CAMK1D: variants seen among roughly 807,000 people sequenced by gnomAD.
CAMK1D encodes calcium/calmodulin dependent protein kinase ID.
A neutral mutation model predicts 47.7 loss-of-function variants in CAMK1D; 9 were observed. That is an observed-to-expected ratio of 0.19 (90% CI 0.11 to 0.33). The LOEUF is 0.33. CAMK1D is among the 10% of genes least tolerant of loss of function. The probability of loss-of-function intolerance (pLI) is 1.00; values close to 1 mark genes in which losing one functional copy is unlikely to be tolerated. For synonymous variants in CAMK1D, 184 were observed against 184.9 expected (o/e 0.99, Z 0.04); for missense variants, 291 against 488.7 (o/e 0.60, Z 3.81).
chr10:12,786,471 A>T (rs1472190517), intron 5 of CAMK1D, among the ~76,000 whole-genome samples: 1 of 152,220 alleles, frequency 6.6e-6, no homozygotes, highest in Non-Finnish European at 1.5e-5. Flanking sequence ...CCTGATATTT[A>T]CTTGTTTATA....
At chr10:12,493,377 A>G (rs1111371) in intron 1 of CAMK1D, among the ~76,000 whole-genome samples, 6,730 of 152,320 alleles carry the variant, frequency 0.044, 468 homozygotes, top group East Asian at 0.34. Flanking sequence ...GGAAACTTCC[A>G]TGATCGCTGA....
At chr10:12,445,114 A>ATCTGTTT (rs1832890347) in intron 1 of CAMK1D, among the ~76,000 whole-genome samples, 1 of 152,214 alleles carries the variant, frequency 6.6e-6, no homozygotes, top group Non-Finnish European at 1.5e-5. Context: ...GCTACAAAGC[A>ATCTGTTT]TCTGTTTTCT....
intron 5 of CAMK1D, among the ~76,000 whole-genome samples, chr10:12,770,132 A>G (rs1179102562): frequency 2.6e-5 from 4 of 152,192 alleles, no homozygotes; most frequent in Non-Finnish European, 5.9e-5. Flanking sequence ...TTTCTGAGGG[A>G]TTTACAATGA....
At chr10:12,703,064 A>T (rs1157284880) in intron 3 of CAMK1D, among the ~76,000 whole-genome samples, 15 of 152,174 alleles carry the variant, frequency 9.9e-5, no homozygotes, top group Admixed American at 9.8e-4. Context: ...AAAGAAGTTC[A>T]TCTGATTGTT....
intron 1 of CAMK1D, among the ~76,000 whole-genome samples, chr10:12,538,771 C>T (rs910977228): frequency 6.6e-6 from 1 of 151,736 alleles, no homozygotes; most frequent in Non-Finnish European, 1.5e-5. Context: ...AGGCTTTCCC[C>T]ACTTGGTGGG....
intron 3 of CAMK1D, among the ~76,000 whole-genome samples, chr10:12,700,281 C>A (rs1390915392): frequency 6.6e-6 from 1 of 152,092 alleles, no homozygotes; most frequent in African/African-American, 2.4e-5. Context: ...CTGGGGAGGC[C>A]TCAGGAAACT....
rs139333651 is a variant in CAMK1D, at chr10:12,543,026, C to T, written c.93-10199C>T. Among the ~76,000 whole-genome samples, 11 of 151,720 alleles carry T rather than the reference C, an allele frequency of 7.3e-5. No individual in the cohort carries two copies. In the East Asian group the frequency reaches 1.8e-3, roughly 24 times the overall value. On this transcript the variant is annotated intron_variant, in intron 1 of 10. Transcript: ENST00000619168. The stretch of plus-strand genomic sequence containing the variant: ...CCACCCAAAGTGTTGGGATTACAGG[C>T]GTGAGCCACCATTCCTGGCTATTAT...
intron 1 of CAMK1D, among the ~76,000 whole-genome samples, chr10:12,397,671 G>A (rs1268254040): frequency 6.6e-6 from 1 of 152,220 alleles, no homozygotes; most frequent in Non-Finnish European, 1.5e-5. Context: ...TCTCTTGAAT[G>A]AGTGAACCTC....
intron 8 of CAMK1D, 59 bp from the exon 9 acceptor site, chr10:12,824,406 G>T: frequency 6.9e-7 from 1 of 1,447,716 alleles, no homozygotes. Flanking sequence ...CCCTTTATGG[G>T]ACGCAGTGTC....
At chr10:12,363,361 T>C (rs1187675641) in intron 1 of CAMK1D, among the ~76,000 whole-genome samples, 1 of 151,932 alleles carries the variant, frequency 6.6e-6, no homozygotes, top group Non-Finnish European at 1.5e-5. Context: ...TTCCAGCAAT[T>C]CTCCTGCCTC....
intron 3 of CAMK1D, among the ~76,000 whole-genome samples, chr10:12,708,810 G>A (rs147220909): frequency 1.2e-3 from 182 of 152,312 alleles, no homozygotes; most frequent in African/African-American, 4.0e-3. Flanking sequence ...TGGATGACTT[G>A]TTTGATGTAG....
intron 3 of CAMK1D, among the ~76,000 whole-genome samples, chr10:12,723,756 C>CT (rs548568962): frequency 1.3e-5 from 2 of 151,960 alleles, no homozygotes; most frequent in African/African-American, 4.8e-5. Context: ...TTTTGACATT[C>CT]TTTTTTTATA....
chr10:12,350,103 C>T (rs1837305940), intron 1 of CAMK1D, among the ~76,000 whole-genome samples, 193 bp downstream of exon 1: 1 of 151,918 alleles, frequency 6.6e-6, no homozygotes, highest in Non-Finnish European at 1.5e-5. Context: ...GGGTGGGCGC[C>T]GTTCCCGGGA....
At chr10:12,391,524 T>TA (rs397787973) in intron 1 of CAMK1D, among the ~76,000 whole-genome samples, 9 of 152,066 alleles carry the variant, frequency 5.9e-5, no homozygotes, top group East Asian at 1.9e-4. Flanking sequence ...CCGTTTTTTT[T>TA]AAAAAAAATT....
chr10:12,622,951 T>G (rs991053134), intron 2 of CAMK1D, among the ~76,000 whole-genome samples: 1 of 151,780 alleles, frequency 6.6e-6, no homozygotes, highest in African/African-American at 2.4e-5. Flanking sequence ...GCTTCAGAGA[T>G]GAGGAGCCCA....
At chr10:12,476,798 T>A (rs1833915305) in intron 1 of CAMK1D, among the ~76,000 whole-genome samples, 1 of 152,188 alleles carries the variant, frequency 6.6e-6, no homozygotes, top group Non-Finnish European at 1.5e-5. Flanking sequence ...CCCTTCATCG[T>A]CTGGCCCCAT....
chr10:12,694,399 C>T lies in CAMK1D; in HGVS notation c.299+27589C>T, dbSNP rs1457293357. Among the ~76,000 whole-genome samples the T allele has an allele frequency of 5.5e-3, 316 of 57,916 alleles. 5 individuals are homozygous for T. The highest frequency in any genetic ancestry group is 0.021 in the African/African-American group (280 of 13,642). 38.0% of individuals were successfully genotyped at this position (57,916 alleles called of 152,430 possible). The stretch of plus-strand genomic sequence containing the variant: ...AATATAAAATATATATGTTATATAT[C>T]ATATATAAAATATAAAATATATATG... On this transcript the variant is annotated intron_variant, in intron 3 of 10. Coordinates refer to ENST00000619168, the MANE Select transcript of CAMK1D (RefSeq NM_153498.4).
Position 12,621,478 on chromosome 10 carries a change from T to C in CAMK1D, c.225-45258T>C, listed in dbSNP as rs1352402251. On this transcript the variant is annotated intron_variant, in intron 2 of 10. Coordinates refer to ENST00000619168, the MANE Select transcript of CAMK1D (RefSeq NM_153498.4). Reference sequence around the variant, plus strand: ...TGTGGTTTTCATTATGCAAGTCCTATAAATGTTTTCTTAGATTTATACCTA... The same window carrying C: ...TGTGGTTTTCATTATGCAAGTCCTACAAATGTTTTCTTAGATTTATACCTA... 2.0e-5 allele frequency among the ~76,000 whole-genome samples: 3 copies of C among 152,240 alleles called. No homozygotes were observed. In the East Asian group the frequency reaches 5.8e-4, roughly 29 times the overall value.
intron 1 of CAMK1D, among the ~76,000 whole-genome samples, chr10:12,365,917 G>A (rs761951442): frequency 2.6e-5 from 4 of 152,182 alleles, no homozygotes; most frequent in East Asian, 1.9e-4. Context: ...TTAGCTGGGC[G>A]TGGTGGCACA....
Sources: allele counts gnomAD v4.1 joint callset (sites outside exome capture counted in the v4.1 genomes callset), GRCh38; gene constraint gnomAD v4.1.1; transcripts MANE v1.5; gene names NCBI Gene and HGNC (gene_info 2026-07-23, HGNC 2026-07-21).